MITF: variants seen among roughly 807,000 people sequenced by gnomAD.
MITF encodes melanocyte inducing transcription factor.
In MITF, 17 loss-of-function variants were observed where a neutral mutation model predicts 60.5. The observed-to-expected ratio is 0.28, with a 90% CI of 0.19 to 0.42. The LOEUF (loss-of-function observed/expected upper bound fraction) is 0.42, where lower values mean the gene tolerates loss of function less well. Ranked by LOEUF, MITF falls within the 10% of genes least tolerant of loss-of-function variation. MITF has a pLI of 1.00. For missense variants in MITF, 622 were observed against 683.5 expected, an observed-to-expected ratio of 0.91 and a Z score of 1.00; for synonymous variants, 260 against 248.5, an observed-to-expected ratio of 1.05 and a Z score of -0.43.
intron 2 of MITF, among the ~76,000 whole-genome samples, chr3:69,913,829 A>C (rs1049930313): frequency 6.6e-6 from 1 of 152,174 alleles, no homozygotes; most frequent in Non-Finnish European, 1.5e-5. Context: ...TCCCATATTC[A>C]AGATGATATA....
chr3:69,945,194 A>C (rs563493011), intron 5 of MITF, among the ~76,000 whole-genome samples: 2 of 152,188 alleles, frequency 1.3e-5, no homozygotes, highest in Admixed American at 6.5e-5. Context: ...AACGTTTTAC[A>C]ATTATCATTT....
At chr3:69,851,449 A>G (rs2063822827) in intron 1 of MITF, among the ~76,000 whole-genome samples, 1 of 152,202 alleles carries the variant, frequency 6.6e-6, no homozygotes, top group South Asian at 2.1e-4. Context: ...GCTGTGGTTT[A>G]TCCATACAAT....
At chr3:69,900,512 C>G (rs2064972337) in intron 2 of MITF, among the ~76,000 whole-genome samples, 2 of 152,122 alleles carry the variant, frequency 1.3e-5, no homozygotes, top group Admixed American at 1.3e-4. Flanking sequence ...TGTGCTCATC[C>G]TGATTGACTC....
At chr3:69,852,761 A>T (rs925711834) in intron 1 of MITF, among the ~76,000 whole-genome samples, 1 of 152,152 alleles carries the variant, frequency 6.6e-6, no homozygotes. Context: ...CTTTCTGTGA[A>T]TTTACACCTT....
At chr3:69,843,243 G>A (rs2063671912) in intron 1 of MITF, among the ~76,000 whole-genome samples, 2 of 104,076 alleles carry the variant, frequency 1.9e-5, no homozygotes, top group African/African-American at 7.6e-5. Context: ...AGGGAAGAAG[G>A]GTATGTTGTT....
chr3:69,819,379 C>T (rs34165775), intron 1 of MITF, among the ~76,000 whole-genome samples: 51,324 of 151,992 alleles, frequency 0.34, 9,702 homozygotes, highest in Non-Finnish European at 0.43. Context: ...AATTTGGAAG[C>T]GCTTAAGCTA....
chr3:69,866,170 G>C, intron 1 of MITF: 1 of 1,543,252 alleles, frequency 6.5e-7, no homozygotes, highest in East Asian at 2.3e-5. Context: ...ACAGAGCTGT[G>C]TTTGGATTGG....
At chr3:69,951,783 A>G (rs377493232) in intron 6 of MITF, 29 bp from the exon 7 acceptor site, 12 of 1,589,764 alleles carry the variant, frequency 7.5e-6, no homozygotes, top group African/African-American at 1.3e-5. Flanking sequence ...AACAGTTCCA[A>G]CTTCTAATGA....
At chr3:69,927,660 A>G (rs1211722143) in intron 2 of MITF, among the ~76,000 whole-genome samples, 3 of 152,218 alleles carry the variant, frequency 2.0e-5, no homozygotes, top group African/African-American at 2.4e-5. Context: ...GTGGTTCTCA[A>G]CTGAGGGCTG....
Position 69,956,539 on chromosome 3 carries a change from A to G in MITF, c.1031+9A>G. 1 of 1,603,136 alleles carries G rather than the reference A, an allele frequency of 6.2e-7. No individual in the cohort carries two copies. The highest frequency in any genetic ancestry group is 8.5e-7 in the Non-Finnish European group (1 of 1,170,062). ...CCCAAGTCAAATGATCCGTGAGTAC[A>G]ATCGCGTGTTAATCTGCATCATATA... is the stretch of plus-strand genomic sequence containing the variant. On this transcript the variant is annotated intron_variant, in intron 8 of 9. Transcript: ENST00000352241.
In MITF at chr3:69,879,157, C is replaced by T; in HGVS notation, c.128C>T (p.Ala43Val). ...AGCAGTTCCGCCGAGCATCCTGGGG[C>T]CTCCAAGCCTCCGATAAGCTCCTCC... ...KSSSSAEHPGASKPPISSSSM... is the reference protein window; with the variant it reads ...KSSSSAEHPGVSKPPISSSSM... The change falls in exon 2 of 10, where the codon GCC becomes GTC. Residue 43 changes from alanine (A) to valine (V), a missense_variant. By Grantham distance (64) the Ala-to-Val change is moderately conservative (BLOSUM62 0). Coordinates refer to ENST00000352241, the MANE Select transcript of MITF (RefSeq NM_001354604.2). The T allele has an allele frequency of 6.2e-7, 1 of 1,614,210 alleles. No homozygotes were observed. The highest frequency in any genetic ancestry group is 8.5e-7 in the Non-Finnish European group (1 of 1,180,038).
intron 1 of MITF, among the ~76,000 whole-genome samples, chr3:69,812,991 T>C (rs896756156): frequency 2.0e-5 from 3 of 152,128 alleles, no homozygotes; most frequent in African/African-American, 7.2e-5. Context: ...GTAATGATAT[T>C]AATGCCCAAA....
intron 1 of MITF, among the ~76,000 whole-genome samples, chr3:69,785,701 G>T (rs1267484862): frequency 6.6e-6 from 1 of 152,148 alleles, no homozygotes; most frequent in African/African-American, 2.4e-5. Context: ...ATGAGTTGAG[G>T]TTTTGAGTGA....
intron 2 of MITF, among the ~76,000 whole-genome samples, chr3:69,905,862 G>C (rs4364168): frequency 0.011 from 1,602 of 152,110 alleles, 13 homozygotes; most frequent in Middle Eastern, 0.02. Context: ...TGTGTTTTGA[G>C]AGTTCTTTAT....
intron 1 of MITF, among the ~76,000 whole-genome samples, chr3:69,742,504 G>A (rs1469006069): frequency 6.6e-6 from 1 of 152,090 alleles, no homozygotes; most frequent in East Asian, 1.9e-4. Context: ...CTTATCTCTT[G>A]TTGCCTGCCT....
chr3:69,874,238 C>T (rs1287674286), intron 1 of MITF, among the ~76,000 whole-genome samples: 3 of 152,156 alleles, frequency 2.0e-5, no homozygotes, highest in Non-Finnish European at 2.9e-5. Context: ...GAGAGATTTG[C>T]AGAATAAATT....
At chr3:69,929,726 T>C (rs1559726981) in intron 2 of MITF, among the ~76,000 whole-genome samples, 1 of 152,124 alleles carries the variant, frequency 6.6e-6, no homozygotes, top group Non-Finnish European at 1.5e-5. Context: ...CTATTCATTG[T>C]ATTGAAAATA....
chr3:69,850,667 A>G (rs1018250229), intron 1 of MITF, among the ~76,000 whole-genome samples: 7 of 152,158 alleles, frequency 4.6e-5, no homozygotes, highest in Non-Finnish European at 1.0e-4. Flanking sequence ...TGCCAGGTGC[A>G]AGGCAGCTAC....
At chr3:69,924,017 C>A (rs1001543032) in intron 2 of MITF, among the ~76,000 whole-genome samples, 1 of 152,058 alleles carries the variant, frequency 6.6e-6, no homozygotes, top group African/African-American at 2.4e-5. Context: ...TAGATGACAT[C>A]CATGTAGATC....
Sources: allele counts gnomAD v4.1 joint callset (sites outside exome capture counted in the v4.1 genomes callset), GRCh38; gene constraint gnomAD v4.1.1; transcripts MANE v1.5; gene names NCBI Gene and HGNC (gene_info 2026-07-23, HGNC 2026-07-21).